The following NRG1 variants were observed in gnomAD, a reference collection of about 807,000 sequenced individuals.
The protein encoded by NRG1 is pro-neuregulin-1, membrane-bound isoform.
Under a neutral mutation model 63.8 loss-of-function variants are expected in NRG1, and 18 were observed. The observed-to-expected ratio is 0.28, with a 90% CI of 0.19 to 0.42. NRG1 has a LOEUF of 0.42. Ranked by LOEUF, NRG1 falls within the 10% of genes least tolerant of loss-of-function variation. The pLI, the probability that NRG1 is intolerant of heterozygous loss-of-function variation, is 1.00. For missense variants in NRG1, 762 were observed against 814.7 expected (o/e 0.94, Z 0.79); for synonymous variants, 302 against 301.3 (o/e 1.00, Z -0.02).
intron 1 of NRG1, among the ~76,000 whole-genome samples, chr8:32,583,183 G>A (rs1440490105): frequency 6.6e-6 from 1 of 152,112 alleles, no homozygotes; most frequent in Non-Finnish European, 1.5e-5. Flanking sequence ...ATAGATGGTG[G>A]TGGTTAAATC....
At chr8:31,930,627 G>T (rs1167215224) in intron 1 of NRG1, among the ~76,000 whole-genome samples, 1 of 152,072 alleles carries the variant, frequency 6.6e-6, no homozygotes, top group Non-Finnish European at 1.5e-5. Flanking sequence ...GAGGGGAAAA[G>T]GTTATTTTAA....
chr8:32,602,664 A>G (rs930487351), intron 2 of NRG1, among the ~76,000 whole-genome samples: 1 of 152,074 alleles, frequency 6.6e-6, no homozygotes, highest in African/African-American at 2.4e-5. Flanking sequence ...AAATCAAGAT[A>G]CTATGCCCCA....
chr8:31,781,837 A>AAAAAGG (rs1819715310), intron 1 of NRG1, among the ~76,000 whole-genome samples: 1 of 152,142 alleles, frequency 6.6e-6, no homozygotes. Context: ...ATTCCAAAAA[A>AAAAAGG]AAAAGGAAGA....
intron 5 of NRG1, among the ~76,000 whole-genome samples, chr8:32,677,199 T>A (rs1195614324): frequency 6.6e-6 from 1 of 152,166 alleles, no homozygotes; most frequent in East Asian, 1.9e-4. Context: ...TGAAATTTAT[T>A]AGTAAATATT....
At chr8:32,513,170 GGTGTGT>G (rs55982622) in intron 1 of NRG1, among the ~76,000 whole-genome samples, 3 of 149,236 alleles carry the variant, frequency 2.0e-5, no homozygotes, top group South Asian at 4.2e-4. Flanking sequence ...TGCTGAAGCT[GGTGTGT>G]GTGTGTGTGT....
At chr8:32,413,663 G>A (rs920550579) in intron 1 of NRG1, among the ~76,000 whole-genome samples, 1 of 152,136 alleles carries the variant, frequency 6.6e-6, no homozygotes, top group Admixed American at 6.6e-5. Flanking sequence ...GTGGAGTTTT[G>A]TTCAAATGCT....
chr8:32,490,260 G>C (rs1052841568), intron 1 of NRG1, among the ~76,000 whole-genome samples: 1 of 151,622 alleles, frequency 6.6e-6, no homozygotes, highest in Admixed American at 6.6e-5. Flanking sequence ...AACTGATATC[G>C]CGCCACTGCA....
chr8:32,685,856 T>C (rs2128925436), intron 5 of NRG1, among the ~76,000 whole-genome samples: 1 of 152,324 alleles, frequency 6.6e-6, no homozygotes, highest in Non-Finnish European at 1.5e-5. Context: ...AGAAATGGAA[T>C]CTTCCAGCTT....
chr8:32,032,713 ACTGTGTAGGTTACCT>A (rs1306066543), intron 1 of NRG1, among the ~76,000 whole-genome samples: 11 of 151,928 alleles, frequency 7.2e-5, no homozygotes, highest in African/African-American at 2.7e-4. Flanking sequence ...ATTTTCTCCC[ACTGTGTAGGTTACCT>A]GTTCACTCTA....
chr8:32,048,396 T>G (rs1323523612), intron 1 of NRG1, among the ~76,000 whole-genome samples: 1 of 148,042 alleles, frequency 6.8e-6, no homozygotes, highest in Non-Finnish European at 1.5e-5. Flanking sequence ...TATATATACA[T>G]GTACATGAAT....
chr8:31,848,665 C>T (rs1219233808), intron 1 of NRG1, among the ~76,000 whole-genome samples: 2 of 152,130 alleles, frequency 1.3e-5, no homozygotes, highest in Non-Finnish European at 2.9e-5. Flanking sequence ...GCAGCAGCAG[C>T]AAATTCTCAT....
intron 1 of NRG1, among the ~76,000 whole-genome samples, chr8:32,076,238 G>C (rs1826526320): frequency 6.6e-6 from 1 of 152,166 alleles, no homozygotes; most frequent in South Asian, 2.1e-4. Context: ...TCAGGGATCT[G>C]AACTGTTAGT....
chr8:32,297,086 G>A (rs1396300240), intron 1 of NRG1, among the ~76,000 whole-genome samples: 2 of 152,078 alleles, frequency 1.3e-5, no homozygotes, highest in Non-Finnish European at 2.9e-5. Context: ...CTGCACTCCA[G>A]CCTGGTGACA....
intron 1 of NRG1, among the ~76,000 whole-genome samples, chr8:32,153,533 G>T (rs1837733972): frequency 1.3e-5 from 2 of 152,178 alleles, no homozygotes; most frequent in African/African-American, 4.8e-5. Context: ...TTAACTATAT[G>T]TCAACCAGTA....
At chr8:32,649,517 A>G (rs1372366961) in intron 5 of NRG1, among the ~76,000 whole-genome samples, 3 of 152,212 alleles carry the variant, frequency 2.0e-5, no homozygotes, top group African/African-American at 7.2e-5. Flanking sequence ...TAGGGTTAAA[A>G]GAGAGTTGAC....
chr8:31,789,245 C>T (rs1820461800), intron 1 of NRG1, among the ~76,000 whole-genome samples: 1 of 152,154 alleles, frequency 6.6e-6, no homozygotes, highest in South Asian at 2.1e-4. Flanking sequence ...CAATTGACCT[C>T]ATTGGAGAAA....
At chr8:31,664,793 A>C (rs1191079126) in intron 1 of NRG1, among the ~76,000 whole-genome samples, 1 of 152,210 alleles carries the variant, frequency 6.6e-6, no homozygotes, top group Non-Finnish European at 1.5e-5. Flanking sequence ...GGTAAAACTC[A>C]GTCATATTAT....
intron 8 of NRG1, 126 bp downstream of exon 8, chr8:32,754,600 G>A (rs1352596372): frequency 1.6e-5 from 13 of 806,252 alleles, no homozygotes; most frequent in Non-Finnish European, 2.4e-5. Context: ...GGGGCAGGGG[G>A]AGATTATTTC....
intron 1 of NRG1, among the ~76,000 whole-genome samples, chr8:31,879,680 TTA>T (rs1830197873): frequency 6.6e-6 from 1 of 152,188 alleles, no homozygotes; most frequent in African/African-American, 2.4e-5. Flanking sequence ...TACCTGGTAG[TTA>T]TCTTTTCTGC....
Sources: gnomAD v4.1 joint callset for allele counts (sites outside exome capture counted in the v4.1 genomes callset) on GRCh38, gnomAD v4.1.1 for gene constraint, MANE v1.5 for transcripts, NCBI Gene and HGNC (gene_info 2026-07-23, HGNC 2026-07-21) for gene names.